Variants in NBEA observed in about 807,000 individuals in gnomAD.
The protein encoded by NBEA is neurobeachin.
A neutral mutation model predicts 343.4 loss-of-function variants in NBEA; 44 were observed. The observed-to-expected ratio is 0.13, with a 90% CI of 0.10 to 0.16. NBEA has a LOEUF of 0.16. Ranked by LOEUF, NBEA falls within the 10% of genes least tolerant of loss-of-function variation. NBEA has a pLI of 1.00. For missense variants in NBEA, 2,555 were observed against 3,631.3 expected (o/e 0.70, Z 7.62); for synonymous variants, 1,175 against 1,238.7 (o/e 0.95, Z 1.08).
At chr13:35,055,902 A>C in intron 6 of NBEA, 108 bp from the exon 7 acceptor site, 1 of 838,480 alleles carries the variant, frequency 1.2e-6, no homozygotes, top group East Asian at 3.1e-5. Flanking sequence ...GATGATCCTT[A>C]ATAGTCCTGT....
intron 34 of NBEA, among the ~76,000 whole-genome samples, chr13:35,241,941 T>G (rs993548485): frequency 6.6e-6 from 1 of 151,830 alleles, no homozygotes; most frequent in African/African-American, 2.4e-5. Flanking sequence ...CTTGCAACAT[T>G]CTCACTAAAG....
chr13:35,438,413 G>C (rs1257108629), intron 39 of NBEA, among the ~76,000 whole-genome samples: 1 of 152,150 alleles, frequency 6.6e-6, no homozygotes, highest in Non-Finnish European at 1.5e-5. Context: ...AAAATACTAA[G>C]ACAGCTATAC....
chr13:35,608,102 C>G (rs1019573694), intron 48 of NBEA, among the ~76,000 whole-genome samples: 2 of 152,088 alleles, frequency 1.3e-5, no homozygotes, highest in African/African-American at 4.8e-5. Context: ...AAATATTTTA[C>G]TTTTAACGTA....
chr13:35,107,726 T>G (rs1427596279), intron 11 of NBEA, among the ~76,000 whole-genome samples: 2 of 152,000 alleles, frequency 1.3e-5, no homozygotes, highest in Non-Finnish European at 2.9e-5. Context: ...TAATAGTGAG[T>G]AATCAACATG....
chr13:35,483,830 G>C (rs2076208846), intron 41 of NBEA, among the ~76,000 whole-genome samples: 1 of 151,908 alleles, frequency 6.6e-6, no homozygotes, highest in African/African-American at 2.4e-5. Context: ...TTTATGGTTT[G>C]CAAAATAGCC....
At chr13:35,471,471 C>G (rs1030383506) in intron 40 of NBEA, among the ~76,000 whole-genome samples, 4 of 152,206 alleles carry the variant, frequency 2.6e-5, no homozygotes, top group African/African-American at 9.6e-5. Flanking sequence ...TACATCCGAT[C>G]CCCACGTTAT....
At chr13:35,519,932 C>A (rs1205976749) in intron 41 of NBEA, among the ~76,000 whole-genome samples, 1 of 152,200 alleles carries the variant, frequency 6.6e-6, no homozygotes, top group Non-Finnish European at 1.5e-5. Flanking sequence ...ACACCTCCTT[C>A]CCATCCTCTG....
intron 36 of NBEA, among the ~76,000 whole-genome samples, chr13:35,317,783 A>T (rs2037845364): frequency 6.6e-6 from 1 of 151,978 alleles, no homozygotes. Context: ...TATTTCCTTG[A>T]GCAGTGGTTT....
chr13:35,114,740 A>G (rs1236931262), intron 13 of NBEA, among the ~76,000 whole-genome samples: 1 of 152,224 alleles, frequency 6.6e-6, no homozygotes, highest in Non-Finnish European at 1.5e-5. Flanking sequence ...ATGACAGGAA[A>G]GTGGAATCAG....
In NBEA at chr13:35,191,128, ACAGAG is replaced by A. The variant is rs1390752421; in HGVS notation, c.4928-4734_4928-4730del. 5.9e-5 allele frequency among the ~76,000 whole-genome samples: 9 copies of A among 152,270 alleles called. No homozygotes were observed. In the East Asian group the frequency reaches 1.4e-3, roughly 23 times the overall value. On this transcript the variant is annotated intron_variant, in intron 30 of 58. Coordinates refer to ENST00000379939, the MANE Select transcript of NBEA (RefSeq NM_001385012.1). ...ACAAAGAAAGAATGAAGAAAAGTGA[ACAGAG>A]CCTCACAGACCTTTGTGACACTATT...
At chr13:35,211,231 C>T in intron 33 of NBEA, 52 bp downstream of exon 33, 1 of 1,436,194 alleles carries the variant, frequency 7.0e-7, no homozygotes. Context: ...TGTAGTGAAA[C>T]AGTACACAAA....
intron 1 of NBEA, among the ~76,000 whole-genome samples, chr13:35,020,088 A>G (rs1340806092): frequency 1.3e-5 from 2 of 151,956 alleles, no homozygotes; most frequent in African/African-American, 4.8e-5. Flanking sequence ...TAGTTTCTTA[A>G]TGTGGAACCT....
At chr13:35,350,891 G>A (rs1364672019) in intron 37 of NBEA, among the ~76,000 whole-genome samples, 1 of 151,750 alleles carries the variant, frequency 6.6e-6, no homozygotes, top group Non-Finnish European at 1.5e-5. Flanking sequence ...AGGAAGAAAA[G>A]TATATTTGAT....
At chr13:35,350,984 C>T (rs2040169543) in intron 37 of NBEA, among the ~76,000 whole-genome samples, 1 of 151,860 alleles carries the variant, frequency 6.6e-6, no homozygotes, top group South Asian at 2.1e-4. Context: ...TAATTTTACT[C>T]TCCAATGAGC....
At chr13:35,525,682 G>T (rs995488778) in intron 41 of NBEA, among the ~76,000 whole-genome samples, 3 of 151,998 alleles carry the variant, frequency 2.0e-5, no homozygotes, top group African/African-American at 7.3e-5. Context: ...TAGTCTTTTG[G>T]GGTCACTATA....
intron 18 of NBEA, among the ~76,000 whole-genome samples, chr13:35,153,682 G>A (rs988894522): frequency 6.6e-6 from 1 of 152,118 alleles, no homozygotes; most frequent in Non-Finnish European, 1.5e-5. Flanking sequence ...GATAAAGTAG[G>A]GACTTAAAAA....
chr13:35,122,141 G>A (rs2066835786), intron 16 of NBEA, among the ~76,000 whole-genome samples: 1 of 152,068 alleles, frequency 6.6e-6, no homozygotes. Flanking sequence ...TTGTATATTA[G>A]TGGAGGCTAT....
intron 1 of NBEA, among the ~76,000 whole-genome samples, chr13:34,982,789 A>G (rs1430308290): frequency 3.3e-5 from 5 of 152,184 alleles, no homozygotes; most frequent in Non-Finnish European, 2.9e-5. Flanking sequence ...AATTAAGTCA[A>G]GTTAATTATA....
chr13:35,107,833 C>T (rs1466776883), intron 11 of NBEA, among the ~76,000 whole-genome samples: 2 of 151,970 alleles, frequency 1.3e-5, no homozygotes, highest in Non-Finnish European at 2.9e-5. Context: ...CATGGTAAAG[C>T]AGGGAAGCAA....
Sources: allele counts gnomAD v4.1 joint callset (sites outside exome capture counted in the v4.1 genomes callset), GRCh38; gene constraint gnomAD v4.1.1; transcripts MANE v1.5; gene names NCBI Gene and HGNC (gene_info 2026-07-23, HGNC 2026-07-21).